NEK7: variants seen among roughly 807,000 people sequenced by gnomAD.
The protein encoded by NEK7 is serine/threonine-protein kinase Nek7.
NEK7 carries 18 observed loss-of-function variants against 44.6 expected under a neutral mutation model. The observed-to-expected ratio is 0.40, with a 90% CI of 0.28 to 0.60. NEK7 has a LOEUF of 0.60. Among genes scored for constraint, NEK7 ranks in the 20% least tolerant of loss-of-function variants. The pLI is 0.38. For synonymous variants in NEK7, 130 were observed against 121.1 expected, an observed-to-expected ratio of 1.07 and a Z score of -0.48; for missense variants, 256 against 366.5, an observed-to-expected ratio of 0.70 and a Z score of 2.46.
intron 2 of NEK7, among the ~76,000 whole-genome samples, chr1:198,239,342 T>G (rs767032438): frequency 8.1e-4 from 123 of 152,292 alleles, no homozygotes; most frequent in African/African-American, 2.2e-3. Context: ...TGGACTCAGA[T>G]TCAGCCATTT....
chr1:198,236,075 G>A (rs776619485), intron 2 of NEK7, among the ~76,000 whole-genome samples: 2 of 152,264 alleles, frequency 1.3e-5, no homozygotes, highest in East Asian at 1.9e-4. Flanking sequence ...ACCTTGAGTA[G>A]CATGTTCAGG....
At chr1:198,284,837 T>C (rs1199879724) in intron 7 of NEK7, among the ~76,000 whole-genome samples, 1 of 152,140 alleles carries the variant, frequency 6.6e-6, no homozygotes, top group Non-Finnish European at 1.5e-5. Flanking sequence ...TTATTTCCTA[T>C]AATAGTGACC....
intron 3 of NEK7, among the ~76,000 whole-genome samples, chr1:198,254,156 G>T (rs1475425): frequency 0.2 from 30,162 of 151,696 alleles, 3,593 homozygotes; most frequent in African/African-American, 0.32. Context: ...ATTTAAAAAT[G>T]AAACTAATGA....
At chr1:198,319,032 TGTA>T (rs1280478594) in intron 9 of NEK7, among the ~76,000 whole-genome samples, 1 of 152,140 alleles carries the variant, frequency 6.6e-6, no homozygotes, top group East Asian at 1.9e-4. Context: ...TTAAGTCTGT[TGTA>T]GTAGATTCTA....
At chr1:198,204,130 C>A (rs1571528636) in intron 1 of NEK7, among the ~76,000 whole-genome samples, 1 of 152,158 alleles carries the variant, frequency 6.6e-6, no homozygotes, top group East Asian at 1.9e-4. Flanking sequence ...CATGTTGGCA[C>A]GTGCCTGTGA....
intron 1 of NEK7, among the ~76,000 whole-genome samples, chr1:198,159,134 T>C (rs1013496076): frequency 2.0e-5 from 3 of 152,188 alleles, no homozygotes; most frequent in African/African-American, 7.2e-5. Context: ...GGCTCCGCCC[T>C]CCGGAGTACT....
At chr1:198,203,974 G>A (rs1459184439) in intron 1 of NEK7, among the ~76,000 whole-genome samples, 4 of 152,304 alleles carry the variant, frequency 2.6e-5, no homozygotes, top group South Asian at 4.1e-4. Flanking sequence ...AGAGATGAGA[G>A]CGGCCAGTTG....
intron 1 of NEK7, among the ~76,000 whole-genome samples, chr1:198,209,526 T>C (rs1056910112): frequency 1.3e-5 from 2 of 152,228 alleles, no homozygotes; most frequent in South Asian, 4.1e-4. Context: ...ATTTTGATAA[T>C]GATAAGAATA....
chr1:198,236,692 C>CT (rs770541166), intron 2 of NEK7, among the ~76,000 whole-genome samples: 5 of 152,108 alleles, frequency 3.3e-5, no homozygotes, highest in Non-Finnish European at 7.3e-5. Flanking sequence ...CTTCATCTGC[C>CT]TTTTCTGTTG....
intron 1 of NEK7, among the ~76,000 whole-genome samples, chr1:198,184,632 G>A (rs1428813062): frequency 2.0e-5 from 3 of 152,062 alleles, no homozygotes; most frequent in Admixed American, 1.3e-4. Context: ...GGCAACAACA[G>A]TAACAGCAAG....
At chr1:198,232,231 C>T (rs1666417400) in intron 1 of NEK7, among the ~76,000 whole-genome samples, 1 of 152,006 alleles carries the variant, frequency 6.6e-6, no homozygotes, top group Admixed American at 6.6e-5. Context: ...TACTCTGTTA[C>T]TTAGCTTCTC....
intron 3 of NEK7, among the ~76,000 whole-genome samples, chr1:198,261,813 AC>A (rs1653482481): frequency 6.6e-6 from 1 of 151,500 alleles, no homozygotes; most frequent in Admixed American, 6.6e-5. Flanking sequence ...ATATTTTTCA[AC>A]CTTTTCTTCA....
intron 1 of NEK7, among the ~76,000 whole-genome samples, chr1:198,218,862 A>G (rs1282661050): frequency 6.6e-6 from 1 of 152,006 alleles, no homozygotes; most frequent in African/African-American, 2.4e-5. Flanking sequence ...ATGAGATACC[A>G]CCTTACCCCA....
chr1:198,177,601 C>G (rs912551061), intron 1 of NEK7, among the ~76,000 whole-genome samples: 9 of 151,900 alleles, frequency 5.9e-5, no homozygotes, highest in African/African-American at 2.2e-4. Context: ...AGAAGCAAGA[C>G]TAAATACTTG....
chr1:198,248,732 C>A (rs533505607), intron 2 of NEK7, among the ~76,000 whole-genome samples: 1 of 152,032 alleles, frequency 6.6e-6, no homozygotes, highest in East Asian at 1.9e-4. Context: ...TTTGTAAGGT[C>A]CATTTCAACT....
At chr1:198,257,842 C>A (rs1044657692) in intron 3 of NEK7, among the ~76,000 whole-genome samples, 3 of 152,082 alleles carry the variant, frequency 2.0e-5, no homozygotes, top group African/African-American at 7.2e-5. Flanking sequence ...GATTGTTTAA[C>A]ATTTTGGGGT....
At chr1:198,206,458 G>A (rs1665600718) in intron 1 of NEK7, among the ~76,000 whole-genome samples, 1 of 152,110 alleles carries the variant, frequency 6.6e-6, no homozygotes, top group Non-Finnish European at 1.5e-5. Context: ...GAACCAGCAG[G>A]TGTCAGCAAG....
intron 7 of NEK7, among the ~76,000 whole-genome samples, chr1:198,282,824 A>G (rs537181827): frequency 6.6e-6 from 1 of 152,254 alleles, no homozygotes; most frequent in Admixed American, 6.5e-5. Context: ...TGCAGGTGCT[A>G]TTCTAGAGAC....
chr1:198,316,633 C>A (rs978149594), intron 9 of NEK7, among the ~76,000 whole-genome samples: 1 of 152,180 alleles, frequency 6.6e-6, no homozygotes, highest in African/African-American at 2.4e-5. Flanking sequence ...TCCTCACTTT[C>A]ACATTTGTTT....
Sources: allele counts gnomAD v4.1 joint callset (sites outside exome capture counted in the v4.1 genomes callset), GRCh38; gene constraint gnomAD v4.1.1; transcripts MANE v1.5; gene names NCBI Gene and HGNC (gene_info 2026-07-23, HGNC 2026-07-21).